LIMD1: variants seen among roughly 807,000 people sequenced by gnomAD.
The protein encoded by LIMD1 is LIM domain containing 1.
Under a neutral mutation model 58.4 loss-of-function variants are expected in LIMD1, and 23 were observed. The ratio of observed to expected loss-of-function variants is 0.39; its 90% CI spans 0.28 to 0.56. The LOEUF is 0.56. Among genes scored for constraint, LIMD1 ranks in the 20% least tolerant of loss-of-function variants. The pLI is 0.57. For missense variants in LIMD1, 838 were observed against 855.5 expected (o/e 0.98, Z 0.25); for synonymous variants, 334 against 345.5 (o/e 0.97, Z 0.37).
At position 45,657,599 on chromosome 3, in the gene LIMD1, C is replaced by G. The variant is rs944456564; in HGVS notation, c.1511-8051C>G. ...CCTGGCAGAAGAGAGAAACTGGATT[C>G]TGCATATAGGTGTGCATCCAACAAG... On this transcript the variant is annotated intron_variant, in intron 2 of 7. Coordinates refer to ENST00000273317, the MANE Select transcript of LIMD1 (RefSeq NM_014240.3). Among the ~76,000 whole-genome samples, 5 of 151,558 alleles carry G rather than the reference C, an allele frequency of 3.3e-5. 1 individual carries two copies. The South Asian group carries it at 6.2e-4, about 19-fold the overall frequency.
At chr3:45,674,273 A>G in intron 6 of LIMD1, 70 bp from the exon 7 acceptor site, 1 of 1,159,382 alleles carries the variant, frequency 8.6e-7, no homozygotes, top group Non-Finnish European at 1.3e-6. Flanking sequence ...TCCCCACCCC[A>G]CGGTACATCA....
At position 45,658,887 on chromosome 3, in the gene LIMD1, A is replaced by G. The variant is rs897550621; in HGVS notation, c.1511-6763A>G. On this transcript the variant is annotated intron_variant, in intron 2 of 7. Coordinates refer to ENST00000273317, the MANE Select transcript of LIMD1 (RefSeq NM_014240.3). ...GCAGATTCTAAATATGTCCACTCAG[A>G]GGCGTTGCCACTCATGGGCAGATTT... Among the ~76,000 whole-genome samples, 3 of 152,230 alleles carry G rather than the reference A, an allele frequency of 2.0e-5. No homozygotes were observed. In the South Asian group the frequency reaches 6.2e-4, roughly 32 times the overall value.
chr3:45,660,430 T>C (rs761618454), intron 2 of LIMD1, among the ~76,000 whole-genome samples: 3,626 of 106,396 alleles, frequency 0.034, 66 homozygotes, highest in Non-Finnish European at 0.059. Context: ...TTTTTTTTTT[T>C]CCCGAGACGG....
intron 1 of LIMD1, among the ~76,000 whole-genome samples, chr3:45,600,915 T>C (rs1701406310): frequency 6.6e-6 from 1 of 151,790 alleles, no homozygotes; most frequent in South Asian, 2.1e-4. Context: ...AACACAAAAA[T>C]TAGCCAGGCA....
chr3:45,624,062 C>A (rs1352889204), intron 1 of LIMD1, among the ~76,000 whole-genome samples: 1 of 152,188 alleles, frequency 6.6e-6, no homozygotes, highest in Non-Finnish European at 1.5e-5. Flanking sequence ...TCAGAACCTG[C>A]TGATGCCCAG....
rs1697692921 is a variant in LIMD1 at position 45,677,924 on chromosome 3, C to T, written c.*865C>T. On this transcript the variant is annotated 3_prime_UTR_variant, in exon 8 of 8. Coordinates refer to ENST00000273317, the MANE Select transcript of LIMD1 (RefSeq NM_014240.3). The stretch of plus-strand genomic sequence containing the variant: ...TTCTGCAAGGCAAGTCTCAGGAACC[C>T]ATGCAGGTACATCGCTTGCACCTGT... The T allele has an allele frequency of 6.6e-6, 1 of 152,154 alleles. No individual in the cohort carries two copies. Among genetic ancestry groups the T allele is most frequent in the African/African-American group, 2.4e-5 (1 of 41,426 alleles). 9.4% of individuals were successfully genotyped at this position (152,154 alleles called of 1,614,324 possible). A position where few individuals can be genotyped will look rare whatever the true frequency, so the allele number is the denominator to read the frequency against.
At chr3:45,598,167 C>T (rs1230236163) in intron 1 of LIMD1, among the ~76,000 whole-genome samples, 1 of 151,934 alleles carries the variant, frequency 6.6e-6, no homozygotes, top group Non-Finnish European at 1.5e-5. Context: ...TCTAGGTTGC[C>T]CAGGCTGTTC....
At chr3:45,654,447 T>A (rs543678596) in intron 2 of LIMD1, among the ~76,000 whole-genome samples, 114 of 152,334 alleles carry the variant, frequency 7.5e-4, no homozygotes, top group Middle Eastern at 6.8e-3. Context: ...TGTGATGTCC[T>A]TAACTCTTGT....
intron 2 of LIMD1, among the ~76,000 whole-genome samples, chr3:45,649,586 C>T (rs750908799): frequency 1.9e-4 from 29 of 150,168 alleles, no homozygotes; most frequent in South Asian, 1.1e-3. Flanking sequence ...GAGGCTGAGG[C>T]AGCAGAATGG....
rs200730316 is a variant in LIMD1, at chr3:45,595,953, C to G, written c.1074C>G (p.Asp358Glu). The change falls in exon 1 of 8, where the codon GAC (aspartate) becomes GAG (glutamate). Residue 358 changes from aspartate (D) to glutamate (E), a missense_variant. By Grantham distance (45) the Asp-to-Glu change is conservative. Transcript: ENST00000273317. ...CGTCATCCTCGCCAGCTGGTCTGGACGGTTCACAGCAGGGTGCGGTCCCTG... is the reference window on the plus strand; with the variant it reads ...CGTCATCCTCGCCAGCTGGTCTGGAGGGTTCACAGCAGGGTGCGGTCCCTG... ...SAPSSSPAGL[D>E]GSQQGAVPGL... 2 of 1,614,220 alleles carry G rather than the reference C, an allele frequency of 1.2e-6. No individual in the cohort carries two copies. Among genetic ancestry groups the G allele is most frequent in the Non-Finnish European group, 8.5e-7 (1 of 1,180,034 alleles).
intron 2 of LIMD1, 152 bp from the exon 3 acceptor site, chr3:45,665,498 C>T (rs192542000): frequency 1.0e-3 from 646 of 619,746 alleles, no homozygotes; most frequent in Non-Finnish European, 1.5e-3. Context: ...CCGAGGGCCA[C>T]GGCATCTTTT....
chr3:45,639,365 A>G (rs1234447494), intron 2 of LIMD1, among the ~76,000 whole-genome samples: 2 of 152,218 alleles, frequency 1.3e-5, no homozygotes, highest in Non-Finnish European at 2.9e-5. Context: ...GGTGAGGGAA[A>G]ACCAATTGAT....
chr3:45,617,253 G>T (rs894635697), intron 1 of LIMD1, among the ~76,000 whole-genome samples: 1 of 150,790 alleles, frequency 6.6e-6, no homozygotes, highest in Non-Finnish European at 1.5e-5. Context: ...CACCATGTTG[G>T]CCAGGCTGGT....
Position 45,680,603 on chromosome 3 carries a change from A to C in LIMD1, c.*3544A>C, listed in dbSNP as rs1027669428. On this transcript the variant is annotated 3_prime_UTR_variant, in exon 8 of 8. Coordinates refer to ENST00000273317, the MANE Select transcript of LIMD1 (RefSeq NM_014240.3). The stretch of plus-strand genomic sequence containing the variant: ...AGTGTTGGGATTATGGCCATTAGCC[A>C]CTGTACCTGGCACAATTTTTTTTTG... The C allele has an allele frequency of 6.6e-6, 1 of 151,848 alleles. No homozygotes were observed. The highest frequency in any genetic ancestry group is 2.4e-5 in the African/African-American group (1 of 41,330). The allele number at this position is 151,848 out of a possible 1,614,324, so 9.4% of individuals were successfully genotyped here.
At chr3:45,637,986 T>C (rs1041292185) in intron 2 of LIMD1, among the ~76,000 whole-genome samples, 1 of 152,188 alleles carries the variant, frequency 6.6e-6, no homozygotes, top group African/African-American at 2.4e-5. Context: ...TCCTTGTCTT[T>C]GAGCTATGTT....
intron 2 of LIMD1, among the ~76,000 whole-genome samples, chr3:45,641,178 TG>T (rs1323103032): frequency 6.6e-6 from 1 of 151,824 alleles, no homozygotes; most frequent in Non-Finnish European, 1.5e-5. Context: ...GAAGAGAAAA[TG>T]GGGGCAGACA....
intron 2 of LIMD1, among the ~76,000 whole-genome samples, chr3:45,636,607 C>G (rs547384499): frequency 3.9e-5 from 6 of 152,226 alleles, no homozygotes; most frequent in East Asian, 1.9e-4. Context: ...TTCTCTCCCC[C>G]ACTGTGGGGA....
intron 7 of LIMD1, 30 bp downstream of exon 7, chr3:45,674,441 C>G: frequency 6.4e-7 from 1 of 1,557,916 alleles, no homozygotes; most frequent in Non-Finnish European, 8.8e-7. Flanking sequence ...GCCCCCAAAG[C>G]CCATTGTAGA....
intron 1 of LIMD1, among the ~76,000 whole-genome samples, chr3:45,601,784 G>T (rs531362918): frequency 6.6e-6 from 1 of 152,238 alleles, no homozygotes; most frequent in Non-Finnish European, 1.5e-5. Flanking sequence ...TTTTGCTTCT[G>T]CTCTGACCAC....
Sources: gnomAD v4.1 joint callset for allele counts (sites outside exome capture counted in the v4.1 genomes callset) on GRCh38, gnomAD v4.1.1 for gene constraint, MANE v1.5 for transcripts, NCBI Gene and HGNC (gene_info 2026-07-23, HGNC 2026-07-21) for gene names.